GLI3: variants seen among roughly 807,000 people sequenced by gnomAD.
GLI3 encodes GLI family zinc finger 3.
GLI3 carries 20 observed loss-of-function variants against 100.8 expected under a neutral mutation model. The observed-to-expected ratio is 0.20, with a 90% CI of 0.14 to 0.29. The LOEUF is 0.29. Among genes scored for constraint, GLI3 ranks in the 10% least tolerant of loss-of-function variants. The pLI, the probability that GLI3 is intolerant of heterozygous loss-of-function variation, is 1.00. For synonymous variants in GLI3, 938 were observed against 860.5 expected (o/e 1.09, Z -1.58); for missense variants, 2,040 against 2,128.5 (o/e 0.96, Z 0.82).
intron 2 of GLI3, among the ~76,000 whole-genome samples, chr7:42,221,625 C>A (rs1788489401): frequency 6.6e-6 from 1 of 152,108 alleles, no homozygotes; most frequent in African/African-American, 2.4e-5. Flanking sequence ...GTTCCTGAAG[C>A]CAAGTACATA....
chr7:42,223,501 G>A (rs1788528348), intron 1 of GLI3, among the ~76,000 whole-genome samples: 1 of 151,990 alleles, frequency 6.6e-6, no homozygotes, highest in Admixed American at 6.6e-5. Flanking sequence ...GCAAAAAAGA[G>A]AACCGAGGGA....
At chr7:42,189,360 C>T (rs1183825135) in intron 2 of GLI3, among the ~76,000 whole-genome samples, 2 of 152,122 alleles carry the variant, frequency 1.3e-5, no homozygotes, top group East Asian at 3.9e-4. Flanking sequence ...GAAAGTCACC[C>T]TATTTAAAAA....
At chr7:42,066,660 A>G (rs1040738228) in intron 4 of GLI3, among the ~76,000 whole-genome samples, 1 of 152,216 alleles carries the variant, frequency 6.6e-6, no homozygotes, top group African/African-American at 2.4e-5. Flanking sequence ...CACAAACAGT[A>G]TACAACATCC....
At chr7:42,018,598 T>A (rs1788838650) in intron 10 of GLI3, among the ~76,000 whole-genome samples, 1 of 152,214 alleles carries the variant, frequency 6.6e-6, no homozygotes, top group Non-Finnish European at 1.5e-5. Context: ...TTTCTTTATA[T>A]CTAAATCTCT....
intron 3 of GLI3, among the ~76,000 whole-genome samples, chr7:42,114,083 T>C (rs1785785777): frequency 6.6e-6 from 1 of 152,242 alleles, no homozygotes; most frequent in African/African-American, 2.4e-5. Flanking sequence ...TTTCCAGTGA[T>C]GGCAATGAGA....
chr7:42,107,951 T>C (rs1039141119), intron 3 of GLI3, among the ~76,000 whole-genome samples: 21 of 152,168 alleles, frequency 1.4e-4, no homozygotes, highest in African/African-American at 5.1e-4. Flanking sequence ...GTTTGTTTAG[T>C]GTAAGTCTGA....
chr7:42,226,970 T>C (rs1364219668), intron 1 of GLI3, among the ~76,000 whole-genome samples: 1 of 152,154 alleles, frequency 6.6e-6, no homozygotes, highest in African/African-American at 2.4e-5. Flanking sequence ...AAATTCCTCA[T>C]GGAATCTCAA....
intron 13 of GLI3, among the ~76,000 whole-genome samples, chr7:41,971,292 C>T (rs536654253): frequency 3.3e-5 from 5 of 152,308 alleles, no homozygotes; most frequent in African/African-American, 1.2e-4. Flanking sequence ...TGTTTCCGTG[C>T]ATCCGGCAGT....
chr7:42,220,440 T>C (rs1195211465), intron 2 of GLI3, among the ~76,000 whole-genome samples: 6 of 152,090 alleles, frequency 3.9e-5, no homozygotes, highest in African/African-American at 1.2e-4. Flanking sequence ...ACACGAATAG[T>C]GTCCCAACTT....
chr7:42,134,171 G>T (rs915694141), intron 3 of GLI3, among the ~76,000 whole-genome samples: 4 of 152,086 alleles, frequency 2.6e-5, no homozygotes, highest in Non-Finnish European at 5.9e-5. Context: ...TGTCCTGGCA[G>T]TGGGGTAGGT....
chr7:42,177,930 C>A (rs1787512963), intron 2 of GLI3, among the ~76,000 whole-genome samples: 2 of 152,218 alleles, frequency 1.3e-5, no homozygotes, highest in African/African-American at 4.8e-5. Context: ...ATTCACGCAA[C>A]CCCGCTAAGT....
intron 3 of GLI3, among the ~76,000 whole-genome samples, chr7:42,129,734 C>T (rs1027011108): frequency 1.3e-5 from 2 of 152,058 alleles, no homozygotes; most frequent in Admixed American, 6.5e-5. Flanking sequence ...TGCTTGAACC[C>T]GGGAGGCGGA....
intron 2 of GLI3, among the ~76,000 whole-genome samples, chr7:42,174,880 C>G (rs546001464): frequency 6.6e-6 from 1 of 152,290 alleles, no homozygotes; most frequent in South Asian, 2.1e-4. Flanking sequence ...AACGTGGAAA[C>G]AGCAGTGGGC....
intron 1 of GLI3, among the ~76,000 whole-genome samples, chr7:42,235,826 C>T (rs1236423945): frequency 6.6e-6 from 1 of 152,204 alleles, no homozygotes; most frequent in Non-Finnish European, 1.5e-5. Flanking sequence ...AAATGTGGAA[C>T]AGCTGGCAAA....
At chr7:42,087,328 A>G (rs1785123373) in intron 3 of GLI3, among the ~76,000 whole-genome samples, 1 of 152,146 alleles carries the variant, frequency 6.6e-6, no homozygotes, top group African/African-American at 2.4e-5. Context: ...GAGTGAGCCC[A>G]GGGCCAAGGC....
chr7:42,234,454 T>C (rs1054325753), intron 1 of GLI3, among the ~76,000 whole-genome samples: 3 of 152,202 alleles, frequency 2.0e-5, no homozygotes, highest in Admixed American at 2.0e-4. Context: ...GCACATCGAA[T>C]TGATAAATTA....
intron 2 of GLI3, among the ~76,000 whole-genome samples, chr7:42,214,334 T>G (rs1009631512): frequency 6.6e-6 from 1 of 151,822 alleles, no homozygotes; most frequent in Admixed American, 6.6e-5. Flanking sequence ...CCTTTTCAAC[T>G]GTCAAGCCAG....
chr7:42,073,141 G>A (rs1284627046), intron 4 of GLI3, among the ~76,000 whole-genome samples: 1 of 152,128 alleles, frequency 6.6e-6, no homozygotes, highest in Non-Finnish European at 1.5e-5. Flanking sequence ...TAGAAGTTCT[G>A]AGTCTAAATT....
chr7:42,085,923 T>C (rs1232638103), intron 3 of GLI3, among the ~76,000 whole-genome samples: 1 of 152,180 alleles, frequency 6.6e-6, no homozygotes. Context: ...AGTGTGCTGG[T>C]TGGCAACTTT....
Sources: allele counts gnomAD v4.1 joint callset (sites outside exome capture counted in the v4.1 genomes callset), GRCh38; gene constraint gnomAD v4.1.1; transcripts MANE v1.5; gene names NCBI Gene and HGNC (gene_info 2026-07-23, HGNC 2026-07-21).